GPR89B: variants seen among roughly 807,000 people sequenced by gnomAD.
The protein encoded by GPR89B is golgi pH regulator B.
Under a neutral mutation model 52.4 loss-of-function variants are expected in GPR89B, and 25 were observed. The observed-to-expected ratio is 0.48, with a 90% CI of 0.35 to 0.67. The LOEUF is 0.67. Ranked by LOEUF, GPR89B falls within the 30% of genes least tolerant of loss-of-function variation. The pLI, the probability that GPR89B is intolerant of heterozygous loss-of-function variation, is 0.01. For missense variants in GPR89B, 146 were observed against 450.2 expected (o/e 0.32, Z 6.11); for synonymous variants, 52 against 151.2 (o/e 0.34, Z 4.81).
chr1:147,950,339 G>A (rs1178044965), intron 5 of GPR89B, among the ~76,000 whole-genome samples: 5 of 150,240 alleles, frequency 3.3e-5, no homozygotes, highest in East Asian at 4.0e-4. Flanking sequence ...GACGATGGGC[G>A]GCCGGGCAGA....
At chr1:147,956,948 AG>A (rs1656163108) in intron 7 of GPR89B, among the ~76,000 whole-genome samples, 2 of 151,902 alleles carry the variant, frequency 1.3e-5, no homozygotes, top group African/African-American at 4.9e-5. Flanking sequence ...ATGTTGGACC[AG>A]GCTGGTCTCA....
intron 10 of GPR89B, among the ~76,000 whole-genome samples, chr1:147,985,636 G>GT (rs1222776826): frequency 0.03 from 4,328 of 145,452 alleles, 190 homozygotes; most frequent in African/African-American, 0.091. Flanking sequence ...TGATGTGGTT[G>GT]TTTTTTTTTT....
chr1:147,991,559 C>T (rs1659069989), intron 12 of GPR89B, among the ~76,000 whole-genome samples: 1 of 152,200 alleles, frequency 6.6e-6, no homozygotes, highest in South Asian at 2.1e-4. Context: ...AGTTTTTGCC[C>T]ATTCAGTATG....
intron 5 of GPR89B, among the ~76,000 whole-genome samples, chr1:147,949,030 A>G (rs1199160691): frequency 6.6e-6 from 1 of 152,094 alleles, no homozygotes; most frequent in Non-Finnish European, 1.5e-5. Context: ...TAATCCATTT[A>G]ACCCTGAGTG....
At chr1:148,017,733 G>A in the GPR89B span, among the ~76,000 whole-genome samples, 2 of 102,972 alleles carry the variant, frequency 1.9e-5, no homozygotes, top group Admixed American at 2.2e-4. Context: ...GCGAGACTCC[G>A]TCTCAAAATA....
Position 147,978,276 on chromosome 1 carries a change from C to T in GPR89B, c.910-7923C>T, listed in dbSNP as rs1402703047. On this transcript the variant is annotated intron_variant, in intron 10 of 13. Transcript: ENST00000314163. ...AGGGCTGCTGCCATTTGTTGGGGGT[C>T]GAATCCATACCCTACTCGCCTGGGT... Among the ~76,000 whole-genome samples, 6 of 152,004 alleles carry T rather than the reference C, an allele frequency of 3.9e-5. No individual in the cohort carries two copies. The East Asian group carries it at 5.8e-4, about 15-fold the overall frequency.
At chr1:147,956,294 A>C (rs1440830622) in intron 7 of GPR89B, among the ~76,000 whole-genome samples, 3 of 149,900 alleles carry the variant, frequency 2.0e-5, no homozygotes, top group African/African-American at 7.3e-5. Context: ...TTTAATTACT[A>C]TTGCTTTGTA....
At chr1:148,022,418 A>G in the GPR89B span, among the ~76,000 whole-genome samples, 1 of 151,784 alleles carries the variant, frequency 6.6e-6, no homozygotes, top group African/African-American at 2.4e-5. Context: ...TTTGTTCTGG[A>G]AGGTTATTAA....
chr1:147,967,949 A>G (rs1657149980), intron 8 of GPR89B: 1 of 280,874 alleles, frequency 3.6e-6, no homozygotes, highest in African/African-American at 2.3e-5. Flanking sequence ...TGCCAGTAGT[A>G]GCCACTATTA....
Position 147,960,082 on chromosome 1 carries a change from A to G in GPR89B, c.617+5680A>G, listed in dbSNP as rs2149066735. ...GCAGAGAATATCAGGGAGTTAGGCT[A>G]AAAAGGAGAAGCTAGAAACCAAGAA... On this transcript the variant is annotated intron_variant, in intron 7 of 13. Transcript: ENST00000314163. 2.0e-5 allele frequency among the ~76,000 whole-genome samples: 3 copies of G among 150,128 alleles called. No individual in the cohort carries two copies. In the East Asian group the frequency reaches 5.8e-4, roughly 29 times the overall value.
intron 5 of GPR89B, among the ~76,000 whole-genome samples, chr1:147,947,317 G>A (rs1553249964): frequency 1.4e-5 from 2 of 144,032 alleles, no homozygotes; most frequent in South Asian, 2.1e-4. Context: ...CAGCCTGGGC[G>A]ACAGAGCGAG....
intron 5 of GPR89B, among the ~76,000 whole-genome samples, chr1:147,950,982 G>A (rs1185516283): frequency 2.6e-5 from 4 of 151,968 alleles, no homozygotes; most frequent in African/African-American, 7.3e-5. Flanking sequence ...AGAGGGAGAG[G>A]GAGAGCGATA....
intron 7 of GPR89B, among the ~76,000 whole-genome samples, chr1:147,961,703 A>G (rs1656581175): frequency 6.6e-6 from 1 of 152,136 alleles, no homozygotes; most frequent in African/African-American, 2.4e-5. Context: ...TATGAACATC[A>G]AATGTTTAAA....
chr1:147,978,161 T>C (rs1356973100), intron 10 of GPR89B, among the ~76,000 whole-genome samples: 1 of 151,776 alleles, frequency 6.6e-6, no homozygotes, highest in Admixed American at 6.6e-5. Context: ...TGCTGACCTT[T>C]GGATGGGGTT....
intron 10 of GPR89B, among the ~76,000 whole-genome samples, chr1:147,973,429 T>TCATACG (rs1657617389): frequency 6.6e-6 from 1 of 151,534 alleles, no homozygotes; most frequent in African/African-American, 2.4e-5. Flanking sequence ...GAGCTTGAGC[T>TCATACG]TTTTTTCATA....
chr1:148,011,457 C>T, the GPR89B span: 1 of 152,264 alleles, frequency 6.6e-6, no homozygotes, highest in Admixed American at 6.5e-5. Context: ...CAGACGGATT[C>T]TCGTGCTGGA....
intron 5 of GPR89B, among the ~76,000 whole-genome samples, chr1:147,946,846 T>A (rs1553249874): frequency 6.6e-6 from 1 of 152,136 alleles, no homozygotes; most frequent in African/African-American, 2.4e-5. Flanking sequence ...TTTTATTCTT[T>A]CCATTGTACT....
chr1:147,965,275 A>G (rs1452564165), intron 7 of GPR89B, among the ~76,000 whole-genome samples: 2 of 151,536 alleles, frequency 1.3e-5, no homozygotes, highest in African/African-American at 4.9e-5. Flanking sequence ...AATTTCACCC[A>G]TAGAAATATC....
chr1:147,991,487 T>G (rs1659065001), intron 12 of GPR89B, among the ~76,000 whole-genome samples: 2 of 152,158 alleles, frequency 1.3e-5, no homozygotes, highest in Non-Finnish European at 2.9e-5. Flanking sequence ...AACACTATGT[T>G]GAATAAGAGT....
Sources: allele counts gnomAD v4.1 joint callset (sites outside exome capture counted in the v4.1 genomes callset), GRCh38; gene constraint gnomAD v4.1.1; transcripts MANE v1.5; gene names NCBI Gene and HGNC (gene_info 2026-07-23, HGNC 2026-07-21).